Variants in BRINP3 observed in about 807,000 individuals in gnomAD.
BRINP3 encodes the protein BMP/retinoic acid-inducible neural-specific protein 3.
A neutral mutation model predicts 71.0 loss-of-function variants in BRINP3; 19 were observed. That is an observed-to-expected ratio of 0.27 (90% CI 0.19 to 0.39). BRINP3 has a LOEUF of 0.39. Ranked by LOEUF, BRINP3 falls within the 10% of genes least tolerant of loss-of-function variation. The pLI, the probability that BRINP3 is intolerant of heterozygous loss-of-function variation, is 1.00. For missense variants in BRINP3, 959 were observed against 940.8 expected (o/e 1.02, Z -0.25); for synonymous variants, 380 against 337.7 (o/e 1.13, Z -1.37).
At chr1:190,303,558 T>G (rs1422603096) in intron 2 of BRINP3, among the ~76,000 whole-genome samples, 1 of 151,778 alleles carries the variant, frequency 6.6e-6, no homozygotes, top group African/African-American at 2.4e-5. Context: ...TTTGTTCCAT[T>G]TTTAATAAAA....
chr1:190,281,863 T>C (rs1469023599), intron 2 of BRINP3, 113 bp from the exon 3 acceptor site: 9 of 923,980 alleles, frequency 9.7e-6, no homozygotes, highest in Non-Finnish European at 8.0e-6. Context: ...CTTGTAATAC[T>C]AGGTTGTGTG....
chr1:190,263,508 G>A (rs529525975), intron 4 of BRINP3, among the ~76,000 whole-genome samples: 4 of 150,782 alleles, frequency 2.7e-5, no homozygotes, highest in African/African-American at 4.9e-5. Flanking sequence ...AGTACATCCC[G>A]AACAAAAAGA....
chr1:190,418,921 T>G (rs1404849755), intron 2 of BRINP3, among the ~76,000 whole-genome samples: 1 of 152,124 alleles, frequency 6.6e-6, no homozygotes. Context: ...CTCTGAGCTT[T>G]TATATTTACT....
chr1:190,408,410 C>T (rs1349470854), intron 2 of BRINP3, among the ~76,000 whole-genome samples: 2 of 151,694 alleles, frequency 1.3e-5, no homozygotes, highest in Non-Finnish European at 2.9e-5. Context: ...TATTTTTTTT[C>T]AAAACGATTT....
chr1:190,120,570 A>C (rs1029400641), intron 7 of BRINP3, among the ~76,000 whole-genome samples: 2 of 151,866 alleles, frequency 1.3e-5, no homozygotes, highest in Admixed American at 1.3e-4. Flanking sequence ...ATCTTGGCTC[A>C]CTGCCACCTC....
intron 7 of BRINP3, among the ~76,000 whole-genome samples, chr1:190,128,083 G>A (rs1484266358): frequency 6.6e-6 from 1 of 151,666 alleles, no homozygotes; most frequent in Non-Finnish European, 1.5e-5. Context: ...AAATCAGGTA[G>A]GAGGATACAA....
In BRINP3 at chr1:190,418,965, T is replaced by C. The variant is rs541209950; in HGVS notation, c.236+35690A>G. ...TAAATTATATGATTTTTACTATCCATATCATGCTTCCTAAAGTATTTGTGT... is the reference window on the plus strand; with the variant it reads ...TAAATTATATGATTTTTACTATCCACATCATGCTTCCTAAAGTATTTGTGT... On this transcript the variant is annotated intron_variant, in intron 2 of 7. Transcript: ENST00000367462. 1.4e-4 allele frequency among the ~76,000 whole-genome samples: 22 copies of C among 152,266 alleles called. No individual in the cohort carries two copies. The South Asian group carries it at 2.3e-3, about 16-fold the overall frequency.
intron 6 of BRINP3, 61 bp downstream of exon 6, chr1:190,226,021 A>G: frequency 9.2e-7 from 1 of 1,092,810 alleles, no homozygotes; most frequent in Non-Finnish European, 1.3e-6. Flanking sequence ...AGGACAAATT[A>G]GCCATTTCAA....
chr1:190,213,679 A>G (rs567378619), intron 6 of BRINP3, among the ~76,000 whole-genome samples: 89 of 152,092 alleles, frequency 5.9e-4, no homozygotes, highest in African/African-American at 2.0e-3. Context: ...AATGTCCAAT[A>G]AAAGTTGTGG....
At chr1:190,473,197 T>C (rs1439002120) in intron 1 of BRINP3, among the ~76,000 whole-genome samples, 1 of 151,962 alleles carries the variant, frequency 6.6e-6, no homozygotes, top group Non-Finnish European at 1.5e-5. Context: ...GCATATCTAC[T>C]ACAATAAAAT....
intron 7 of BRINP3, among the ~76,000 whole-genome samples, chr1:190,123,362 T>C (rs916455860): frequency 7.3e-6 from 1 of 137,278 alleles, no homozygotes; most frequent in Non-Finnish European, 1.7e-5. Context: ...ACGACTTCAG[T>C]CTCTGACTCA....
intron 2 of BRINP3, among the ~76,000 whole-genome samples, chr1:190,430,481 T>C (rs1156393009): frequency 6.6e-6 from 1 of 152,130 alleles, no homozygotes; most frequent in African/African-American, 2.4e-5. Context: ...TTCTTTGCAC[T>C]GAGGTAAGAT....
At chr1:190,443,499 C>G (rs994345374) in intron 2 of BRINP3, among the ~76,000 whole-genome samples, 1 of 147,216 alleles carries the variant, frequency 6.8e-6, no homozygotes, top group Non-Finnish European at 1.5e-5. Context: ...TTCTCTTTCC[C>G]TAGTTTAAAG....
At chr1:190,230,980 T>G (rs4539136) in intron 5 of BRINP3, among the ~76,000 whole-genome samples, 88,713 of 151,084 alleles carry the variant, frequency 0.59, 26,315 homozygotes, top group Admixed American at 0.69. Flanking sequence ...TAAATAATAT[T>G]AATTATCATA....
intron 2 of BRINP3, among the ~76,000 whole-genome samples, chr1:190,376,696 A>G (rs1670204011): frequency 6.6e-6 from 1 of 152,066 alleles, no homozygotes; most frequent in Non-Finnish European, 1.5e-5. Context: ...TCCAAAAAAT[A>G]CTGTTATGAA....
At chr1:190,338,870 A>G (rs1667464291) in intron 2 of BRINP3, among the ~76,000 whole-genome samples, 1 of 151,944 alleles carries the variant, frequency 6.6e-6, no homozygotes, top group Non-Finnish European at 1.5e-5. Context: ...CTAAAAACAT[A>G]GTTATCAATA....
intron 2 of BRINP3, among the ~76,000 whole-genome samples, chr1:190,318,905 G>C (rs1666057394): frequency 6.6e-6 from 1 of 152,002 alleles, no homozygotes; most frequent in African/African-American, 2.4e-5. Context: ...CGCAGATGTA[G>C]ATCTATATAT....
At chr1:190,231,745 G>A (rs1318693013) in intron 5 of BRINP3, among the ~76,000 whole-genome samples, 2 of 151,484 alleles carry the variant, frequency 1.3e-5, no homozygotes, top group African/African-American at 4.8e-5. Flanking sequence ...TGCCTGCTCT[G>A]TAATCTTATC....
At chr1:190,393,617 T>G (rs1671392548) in intron 2 of BRINP3, among the ~76,000 whole-genome samples, 1 of 151,646 alleles carries the variant, frequency 6.6e-6, no homozygotes, top group Non-Finnish European at 1.5e-5. Context: ...AATTTCAACA[T>G]TCCATACTCA....
Sources: allele counts gnomAD v4.1 joint callset (sites outside exome capture counted in the v4.1 genomes callset), GRCh38; gene constraint gnomAD v4.1.1; transcripts MANE v1.5; gene names NCBI Gene and HGNC (gene_info 2026-07-23, HGNC 2026-07-21).